Variants in MNAT1 observed in about 807,000 individuals in gnomAD.
MNAT1 encodes the protein MNAT1 component of CDK activating kinase.
A neutral mutation model predicts 42.0 loss-of-function variants in MNAT1; 43 were observed. That is an observed-to-expected ratio of 1.02 (90% CI 0.80 to 1.32). MNAT1 has a LOEUF of 1.32. Among genes scored for constraint, MNAT1 ranks in the 40% most tolerant of loss-of-function variants. The probability of loss-of-function intolerance (pLI) is 0.00; values close to 1 mark genes in which losing one functional copy is unlikely to be tolerated. For missense variants in MNAT1, 306 were observed against 350.4 expected (o/e 0.87, Z 1.01); for synonymous variants, 118 against 120.0 (o/e 0.98, Z 0.11).
At chr14:60,814,964 T>C (rs1445612770) in intron 5 of MNAT1, among the ~76,000 whole-genome samples, 1 of 152,176 alleles carries the variant, frequency 6.6e-6, no homozygotes, top group East Asian at 1.9e-4. Flanking sequence ...TTGATGTTAC[T>C]AATTATTAGT....
In MNAT1 at chr14:60,828,581, C is replaced by T. The variant is rs2033125015; in HGVS notation, c.687+9734C>T. ...CGTTTTCTTTTCTGTACCACACCAA[C>T]CATTTCTGCAGCAGACACCAATAGG... On this transcript the variant is annotated intron_variant, in intron 6 of 7. Transcript: ENST00000261245. 2.0e-5 allele frequency among the ~76,000 whole-genome samples: 3 copies of T among 151,652 alleles called. No homozygotes were observed. The South Asian group carries it at 6.2e-4, about 32-fold the overall frequency.
chr14:60,756,435 G>A (rs1430453323), intron 1 of MNAT1, among the ~76,000 whole-genome samples: 1 of 152,176 alleles, frequency 6.6e-6, no homozygotes, highest in African/African-American at 2.4e-5. Flanking sequence ...TATGAGCTAA[G>A]AAGTGCTTTT....
At position 60,808,340 on chromosome 14, in the gene MNAT1, A is replaced by T. The variant is rs756313836; in HGVS notation, c.332A>T (p.Asn111Ile). Residue 111 changes from asparagine (N) to isoleucine (I), a missense_variant, in exon 4 of 8, where the codon AAC becomes ATC. This residue lies in a region of MNAT1 where 118 missense variants were observed against 99.8 expected (regional missense o/e 1.18). Transcript: ENST00000261245. ...EVEEIVFNLT[N>I]NVDLDNTKKK... ...TCTAATGCAGTTTTCAACTTGACCA[A>T]CAATGTGGATTTGGACAACACCAAA... is the stretch of plus-strand genomic sequence containing the variant. The T allele has an allele frequency of 6.3e-7, 1 of 1,575,212 alleles. No homozygotes were observed.
chr14:60,836,264 A>C (rs775640305), intron 6 of MNAT1, among the ~76,000 whole-genome samples: 27 of 152,130 alleles, frequency 1.8e-4, no homozygotes, highest in Non-Finnish European at 2.8e-4. Context: ...TTCTCTGTCC[A>C]GTTTGTTCCC....
At chr14:60,778,891 A>G (rs2031346915) in intron 1 of MNAT1, among the ~76,000 whole-genome samples, 1 of 152,170 alleles carries the variant, frequency 6.6e-6, no homozygotes, top group Non-Finnish European at 1.5e-5. Flanking sequence ...CAACCAAGGG[A>G]TGGAATAGGA....
chr14:60,822,609 T>A (rs1231548878), intron 6 of MNAT1, among the ~76,000 whole-genome samples: 2 of 151,320 alleles, frequency 1.3e-5, no homozygotes, highest in African/African-American at 2.4e-5. Flanking sequence ...AGAATTTTTT[T>A]TTTTTTTTTT....
At chr14:60,909,422 G>C (rs1224470436) in intron 7 of MNAT1, among the ~76,000 whole-genome samples, 1 of 152,144 alleles carries the variant, frequency 6.6e-6, no homozygotes, top group Non-Finnish European at 1.5e-5. Context: ...GAATGGTATT[G>C]CCTAGGTTTT....
At chr14:60,819,634 C>T (rs1371567894) in intron 6 of MNAT1, among the ~76,000 whole-genome samples, 1 of 152,034 alleles carries the variant, frequency 6.6e-6, no homozygotes, top group Non-Finnish European at 1.5e-5. Flanking sequence ...AAAAGTACCA[C>T]AAAATATATG....
chr14:60,828,061 A>G (rs1398651759), intron 6 of MNAT1, among the ~76,000 whole-genome samples: 1 of 152,164 alleles, frequency 6.6e-6, no homozygotes. Context: ...GAATAGCTTC[A>G]TGATTAAAAC....
At chr14:60,796,880 A>G (rs1352883722) in intron 2 of MNAT1, among the ~76,000 whole-genome samples, 1 of 152,088 alleles carries the variant, frequency 6.6e-6, no homozygotes, top group Non-Finnish European at 1.5e-5. Context: ...GGTAACATTA[A>G]GTTGAAGTTT....
intron 1 of MNAT1, among the ~76,000 whole-genome samples, chr14:60,784,886 TCTGTTGCCTAGG>T (rs986208311): frequency 2.0e-5 from 3 of 149,932 alleles, no homozygotes; most frequent in African/African-American, 7.4e-5. Flanking sequence ...GAGTCTCAAC[TCTGTTGCCTAGG>T]CTGCAGTGCA....
chr14:60,821,600 G>A (rs1284552404), intron 6 of MNAT1, among the ~76,000 whole-genome samples: 1 of 152,146 alleles, frequency 6.6e-6, no homozygotes, highest in Non-Finnish European at 1.5e-5. Flanking sequence ...TATAATTTAT[G>A]CATCGATCAA....
At chr14:60,958,338 C>A (rs1189171665) in intron 7 of MNAT1, among the ~76,000 whole-genome samples, 3 of 151,998 alleles carry the variant, frequency 2.0e-5, no homozygotes, top group Non-Finnish European at 4.4e-5. Context: ...ACAAACTCTT[C>A]CCACTTACTC....
chr14:60,951,088 C>T (rs1661218295), intron 7 of MNAT1, among the ~76,000 whole-genome samples: 1 of 152,046 alleles, frequency 6.6e-6, no homozygotes, highest in South Asian at 2.1e-4. Context: ...TAATCTAAAA[C>T]AGTTGTTAAA....
intron 6 of MNAT1, among the ~76,000 whole-genome samples, chr14:60,869,041 T>TA (rs373998263): frequency 0.23 from 20,856 of 91,268 alleles, 1,647 homozygotes; most frequent in East Asian, 0.37. Flanking sequence ...TATATATATA[T>TA]TTTTTTTTTT....
chr14:60,874,517 C>G (rs544285915), intron 6 of MNAT1, among the ~76,000 whole-genome samples: 2 of 152,072 alleles, frequency 1.3e-5, no homozygotes, highest in Admixed American at 6.6e-5. Flanking sequence ...CTTTTTCTTC[C>G]TATTCTATCT....
chr14:60,855,176 C>A (rs1047014974), intron 6 of MNAT1, among the ~76,000 whole-genome samples: 1 of 152,168 alleles, frequency 6.6e-6, no homozygotes, highest in Non-Finnish European at 1.5e-5. Context: ...CCAAGCTCGA[C>A]TGACCTAGGT....
Position 60,812,125 on chromosome 14 carries a change from C to T in MNAT1, c.559C>T (p.Leu187=). The change falls in exon 5 of 8, where the codon CTG becomes TTG. Residue 187 remains leucine, a splice_region_variant and synonymous_variant. Transcript: ENST00000261245. ...RKNKQAFLDE[L]ESSDLPVALL... ...GAATAAGCAGGCTTTTTTAGATGAG[C>T]TGGTATGTATTAATGCTAATTGTGA... The T allele has an allele frequency of 5.1e-6, 8 of 1,580,650 alleles. No individual in the cohort carries two copies. Among genetic ancestry groups the T allele is most frequent in the Non-Finnish European group, 6.8e-6 (8 of 1,168,680 alleles).
intron 7 of MNAT1, among the ~76,000 whole-genome samples, chr14:60,929,804 CT>C (rs2035848792): frequency 6.6e-6 from 1 of 152,086 alleles, no homozygotes; most frequent in African/African-American, 2.4e-5. Context: ...CATTTTATAT[CT>C]TTCCTGTCAA....
Sources: gnomAD v4.1 joint callset for allele counts (sites outside exome capture counted in the v4.1 genomes callset) on GRCh38, gnomAD v4.1.1 for gene constraint, gnomAD v4.1.1 regional missense constraint, MANE v1.5 for transcripts, NCBI Gene and HGNC (gene_info 2026-07-23, HGNC 2026-07-21) for gene names.